The following TCF12 variants were observed in gnomAD, a reference collection of about 807,000 sequenced individuals.
TCF12 encodes DNA-binding protein HTF4.
In TCF12, 45 loss-of-function variants were observed where a neutral mutation model predicts 86.0. The ratio of observed to expected loss-of-function variants is 0.52; its 90% CI spans 0.41 to 0.67. TCF12 has a LOEUF of 0.67. TCF12 is among the 30% of genes least tolerant of loss of function. The probability of loss-of-function intolerance (pLI) is 0.00; values close to 1 mark genes in which losing one functional copy is unlikely to be tolerated. For synonymous variants in TCF12, 330 were observed against 299.6 expected (o/e 1.10, Z -1.05); for missense variants, 881 against 859.9 (o/e 1.02, Z -0.31).
At position 57,252,442 on chromosome 15, in the gene TCF12, C is replaced by G; in HGVS notation, c.1210C>G (p.Leu404Val). 1 of 1,614,008 alleles carries G rather than the reference C, an allele frequency of 6.2e-7. No individual in the cohort carries two copies. Among genetic ancestry groups the G allele is most frequent in the Non-Finnish European group, 8.5e-7 (1 of 1,179,920 alleles). The change falls in exon 15 of 21, where the codon CTT becomes GTT. Residue 404 changes from leucine to valine, a missense_variant. By Grantham distance (32) the Leu-to-Val change is conservative. Around this residue, in one of 3 missense-constraint regions of TCF12, gnomAD observed 766 missense variants for 718.9 expected, o/e 1.07. Coordinates refer to ENST00000333725, the MANE Select transcript of TCF12 (RefSeq NM_207037.2). ...CCAGAAAAATCGAGTTGAGCAGCAA[C>G]TTCACGAGCATTTGCAAGATGCAAT... is the stretch of plus-strand genomic sequence containing the variant. ...HSLKNRVEQQ[L>V]HEHLQDAMSF...
At position 57,017,766 on chromosome 15, in the gene TCF12, T is replaced by C. The variant is rs116756137; in HGVS notation, c.149-45984T>C. Among the ~76,000 whole-genome samples the C allele has an allele frequency of 6.2e-3, 935 of 151,732 alleles. 13 individuals carry two copies. The highest frequency in any genetic ancestry group is 0.022 in the African/African-American group (893 of 41,422). On this transcript the variant is annotated intron_variant, in intron 3 of 20. Coordinates refer to ENST00000333725, the MANE Select transcript of TCF12 (RefSeq NM_207037.2). The stretch of plus-strand genomic sequence containing the variant: ...TTTGCCTGAACATTGCCTCATTCTT[T>C]AGATTTTAAAAAGTCATACCTTGCA...
At chr15:56,919,715 C>T (rs1326506049) in intron 1 of TCF12, 177 bp from the exon 2 acceptor site, 3 of 462,512 alleles carry the variant, frequency 6.5e-6, no homozygotes, top group South Asian at 6.1e-5. Context: ...CGGGACCCGG[C>T]GCGGGCACTG....
chr15:57,084,521 CTTG>C, intron 4 of TCF12, among the ~76,000 whole-genome samples: 1 of 152,246 alleles, frequency 6.6e-6, no homozygotes, highest in East Asian at 1.9e-4. Context: ...TCCTTTAAAT[CTTG>C]TTAAGATGCA....
At chr15:56,928,232 G>T (rs2060100666) in intron 3 of TCF12, among the ~76,000 whole-genome samples, 1 of 152,178 alleles carries the variant, frequency 6.6e-6, no homozygotes, top group East Asian at 1.9e-4. Context: ...CAGAATCCTT[G>T]TGAAGATTAA....
chr15:57,015,763 G>A (rs1461313731), intron 3 of TCF12, among the ~76,000 whole-genome samples: 3 of 152,184 alleles, frequency 2.0e-5, no homozygotes, highest in Middle Eastern at 3.2e-3. Context: ...CTATTCTGAT[G>A]GAAGACCTTG....
chr15:57,021,174 G>A (rs528685881), intron 3 of TCF12, among the ~76,000 whole-genome samples: 4 of 152,320 alleles, frequency 2.6e-5, no homozygotes, highest in Non-Finnish European at 2.9e-5. Context: ...AGATATGGAA[G>A]GTGTGAGCAT....
chr15:57,268,914 A>G (rs1381560628), intron 18 of TCF12, among the ~76,000 whole-genome samples: 2 of 151,306 alleles, frequency 1.3e-5, no homozygotes, highest in African/African-American at 2.4e-5. Flanking sequence ...GTTATTTTAC[A>G]TTTGCTGAGG....
chr15:56,993,810 G>C (rs971728371), intron 3 of TCF12, among the ~76,000 whole-genome samples: 1 of 152,112 alleles, frequency 6.6e-6, no homozygotes, highest in South Asian at 2.1e-4. Flanking sequence ...GATTTAAACA[G>C]GAACCAGAGT....
intron 4 of TCF12, among the ~76,000 whole-genome samples, chr15:57,088,875 A>G: frequency 6.6e-6 from 1 of 152,144 alleles, no homozygotes; most frequent in East Asian, 1.9e-4. Flanking sequence ...TAATAGTTGT[A>G]CATTTCTACA....
chr15:57,272,792 T>C (rs989265689), intron 18 of TCF12, among the ~76,000 whole-genome samples: 1 of 152,268 alleles, frequency 6.6e-6, no homozygotes, highest in African/African-American at 2.4e-5. Context: ...TATGCTATAA[T>C]GTGCAATGAA....
chr15:56,932,102 CTGGAGACTTGCCAAAT>C (rs2060272407), intron 3 of TCF12, among the ~76,000 whole-genome samples: 1 of 152,156 alleles, frequency 6.6e-6, no homozygotes, highest in Non-Finnish European at 1.5e-5. Context: ...GAGTTTGACT[CTGGAGACTTGCCAAAT>C]AAGTTATAAT....
chr15:57,192,374 CTTTTTT>C (rs369602117), intron 7 of TCF12, 81 bp downstream of exon 7: 4 of 1,241,172 alleles, frequency 3.2e-6, no homozygotes, highest in Non-Finnish European at 4.3e-6. Context: ...TCTGGCTATG[CTTTTTT>C]TTTTTTTTCT....
intron 3 of TCF12, among the ~76,000 whole-genome samples, chr15:57,053,686 A>G (rs886190623): frequency 6.6e-6 from 1 of 151,388 alleles, no homozygotes; most frequent in Non-Finnish European, 1.5e-5. Context: ...TAACGCCTGT[A>G]GCTGCTTTGT....
At chr15:56,941,789 G>C (rs1396116598) in intron 3 of TCF12, among the ~76,000 whole-genome samples, 1 of 151,862 alleles carries the variant, frequency 6.6e-6, no homozygotes, top group Admixed American at 6.6e-5. Context: ...TTGAAGGTTA[G>C]GGCATTTTGT....
At chr15:57,243,402 C>T (rs895450259) in intron 12 of TCF12, 70 bp from the exon 13 acceptor site, 2 of 1,341,906 alleles carry the variant, frequency 1.5e-6, no homozygotes, top group Non-Finnish European at 2.1e-6. Flanking sequence ...AAAATAACTC[C>T]ATGTGAACGG....
At chr15:57,029,727 T>A (rs1054003200) in intron 3 of TCF12, among the ~76,000 whole-genome samples, 8 of 152,334 alleles carry the variant, frequency 5.3e-5, no homozygotes, top group Admixed American at 2.6e-4. Context: ...AAGCTGTTAC[T>A]TTCCCCTTTT....
intron 20 of TCF12, among the ~76,000 whole-genome samples, chr15:57,285,226 A>G (rs1287427653): frequency 3.9e-5 from 6 of 152,222 alleles, no homozygotes; most frequent in African/African-American, 1.2e-4. Flanking sequence ...CCTGTAATGT[A>G]GGCCAAGTAG....
At chr15:57,108,769 C>T (rs1163924001) in intron 5 of TCF12, among the ~76,000 whole-genome samples, 1 of 152,072 alleles carries the variant, frequency 6.6e-6, no homozygotes, top group Non-Finnish European at 1.5e-5. Flanking sequence ...AAAGATTCTA[C>T]TTAATTTGTC....
At chr15:56,939,698 C>T (rs1234950881) in intron 3 of TCF12, among the ~76,000 whole-genome samples, 1 of 151,710 alleles carries the variant, frequency 6.6e-6, no homozygotes, top group Non-Finnish European at 1.5e-5. Flanking sequence ...AAAGATTTCA[C>T]ATTCCCCAAA....
Sources: allele counts gnomAD v4.1 joint callset (sites outside exome capture counted in the v4.1 genomes callset), GRCh38; gene constraint gnomAD v4.1.1; regional missense constraint gnomAD v4.1.1; transcripts MANE v1.5; gene names NCBI Gene and HGNC (gene_info 2026-07-23, HGNC 2026-07-21).